The following MYO16 variants were observed in gnomAD, a reference collection of about 807,000 sequenced individuals.
The protein encoded by MYO16 is unconventional myosin-XVI.
In MYO16, 94 loss-of-function variants were observed where a neutral mutation model predicts 205.3. The ratio of observed to expected loss-of-function variants is 0.46; its 90% confidence interval spans 0.39 to 0.54. The LOEUF (loss-of-function observed/expected upper bound fraction) is 0.54. Among genes scored for constraint, MYO16 ranks in the 20% least tolerant of loss-of-function variants. The pLI is 0.00. For missense variants in MYO16, 2,315 were observed against 2,387.5 expected (o/e 0.97, Z 0.63); for synonymous variants, 988 against 954.0 (o/e 1.04, Z -0.66).
At chr13:109,176,327 A>G (rs1334596003) in intron 33 of MYO16, among the ~76,000 whole-genome samples, 1 of 151,780 alleles carries the variant, frequency 6.6e-6, no homozygotes, top group African/African-American at 2.4e-5. Context: ...AATATCTGGG[A>G]TCTGTAGGAT....
the MYO16 span, among the ~76,000 whole-genome samples, chr13:108,508,033 A>G: frequency 6.6e-6 from 1 of 151,762 alleles, no homozygotes; most frequent in Non-Finnish European, 1.5e-5. Context: ...CTTTTTGTTC[A>G]CACATAGGTT....
chr13:108,745,411 T>C (rs1476702465), intron 4 of MYO16, among the ~76,000 whole-genome samples: 3 of 152,194 alleles, frequency 2.0e-5, no homozygotes, highest in African/African-American at 7.2e-5. Context: ...TGGAGAGAGG[T>C]CCTTTTATGT....
chr13:109,143,316 C>A (rs532914507), intron 32 of MYO16, among the ~76,000 whole-genome samples: 1 of 152,182 alleles, frequency 6.6e-6, no homozygotes, highest in African/African-American at 2.4e-5. Context: ...TAACCTTCTC[C>A]CTATTTATTC....
intron 13 of MYO16, among the ~76,000 whole-genome samples, chr13:108,884,575 C>G (rs573264659): frequency 6.6e-6 from 1 of 152,062 alleles, no homozygotes; most frequent in African/African-American, 2.4e-5. Context: ...ATGAGAAAGA[C>G]GCCGAGACAG....
chr13:108,559,883 G>T, the MYO16 span, among the ~76,000 whole-genome samples: 2 of 152,052 alleles, frequency 1.3e-5, no homozygotes, highest in South Asian at 4.1e-4. Flanking sequence ...TCCATACCTA[G>T]AAATCAAAAG....
intron 15 of MYO16, among the ~76,000 whole-genome samples, chr13:108,900,128 AT>A (rs149397045): frequency 0.015 from 2,333 of 151,980 alleles, 52 homozygotes; most frequent in African/African-American, 0.053. Flanking sequence ...CATTACTAAC[AT>A]TTTTTTTCCT....
In MYO16 at chr13:108,964,776, G is replaced by A. The variant is rs201689443; in HGVS notation, c.2243G>A (p.Arg748Gln). Residue 748 changes from arginine to glutamine, a missense_variant, in exon 20 of 35, where the codon CGA (arginine) becomes CAA (glutamine). Transcript: ENST00000457511. Reference sequence around the variant, plus strand: ...ACCATTTTAGGGGATATGATAATACGACGACATACCATACAGATTGCTGAG... The same window carrying A: ...ACCATTTTAGGGGATATGATAATACAACGACATACCATACAGATTGCTGAG... ...IQYFKGDMII[R>Q]RHTIQIAEFF... is the part of the protein sequence containing the mutation. 12 of 1,613,954 alleles carry A rather than the reference G, an allele frequency of 7.4e-6. No individual in the cohort carries two copies. The highest frequency in any genetic ancestry group is 5.1e-6 in the Non-Finnish European group (6 of 1,179,964).
At chr13:108,982,441 A>G (rs1884477482) in intron 20 of MYO16, among the ~76,000 whole-genome samples, 1 of 152,202 alleles carries the variant, frequency 6.6e-6, no homozygotes, top group Admixed American at 6.6e-5. Flanking sequence ...GCTGGAAGAT[A>G]ATTAAGGGAG....
At chr13:108,813,344 A>G (rs1017498725) in intron 7 of MYO16, among the ~76,000 whole-genome samples, 4 of 152,176 alleles carry the variant, frequency 2.6e-5, no homozygotes, top group African/African-American at 7.2e-5. Context: ...AATGTAGAGT[A>G]TGCACCATTG....
intron 6 of MYO16, among the ~76,000 whole-genome samples, chr13:108,802,194 G>T (rs549713352): frequency 6.6e-6 from 1 of 152,158 alleles, no homozygotes; most frequent in Admixed American, 6.5e-5. Flanking sequence ...ACATATTTCT[G>T]CTGTCTAGTT....
chr13:109,019,231 G>C (rs1471126551), intron 22 of MYO16, among the ~76,000 whole-genome samples: 1 of 152,058 alleles, frequency 6.6e-6, no homozygotes, highest in Non-Finnish European at 1.5e-5. Context: ...GGCTGCGTTG[G>C]CCTCCCAAAG....
chr13:108,941,655 C>T (rs958836652), intron 16 of MYO16, among the ~76,000 whole-genome samples: 8 of 125,968 alleles, frequency 6.4e-5, no homozygotes, highest in South Asian at 2.4e-4. Context: ...CCAGCCTAGG[C>T]GACAGAGCAA....
chr13:109,064,939 T>C (rs1484747836), intron 27 of MYO16, among the ~76,000 whole-genome samples: 1 of 152,216 alleles, frequency 6.6e-6, no homozygotes, highest in Non-Finnish European at 1.5e-5. Flanking sequence ...AAAACAGCCA[T>C]ATATTTTTTT....
intron 6 of MYO16, among the ~76,000 whole-genome samples, chr13:108,801,239 A>C (rs1886960746): frequency 6.6e-6 from 1 of 152,254 alleles, no homozygotes; most frequent in Non-Finnish European, 1.5e-5. Flanking sequence ...TGAAATGAGG[A>C]CCACTGTTGG....
intron 12 of MYO16, 33 bp downstream of exon 12, chr13:108,866,275 T>C: frequency 7.2e-7 from 1 of 1,391,574 alleles, no homozygotes; most frequent in Non-Finnish European, 1.0e-6. Flanking sequence ...CATTGAATAA[T>C]GTAGAGTAAT....
intron 6 of MYO16, among the ~76,000 whole-genome samples, chr13:108,798,744 GCCGGA>G (rs1886876295): frequency 8.9e-6 from 1 of 111,974 alleles, no homozygotes; most frequent in African/African-American, 3.5e-5. Context: ...TGTCGCCCAG[GCCGGA>G]CTGCGGACTG....
At position 109,140,378 on chromosome 13, in the gene MYO16, C is replaced by T. The variant is rs1876987701; in HGVS notation, c.4166C>T (p.Ser1389Leu). The T allele has an allele frequency of 2.5e-6, 4 of 1,599,824 alleles. No homozygotes were observed. The highest frequency in any genetic ancestry group is 1.1e-5 in the South Asian group (1 of 90,986). The part of the protein sequence containing the change: ...TKLSGSYEEI[S>L]GSRPGDARPA... ...CTCAGCGGCTCCTACGAGGAGATAT[C>T]GGGGTCCCGGCCCGGGGACGCGAGG... Residue 1389 changes from serine to leucine, a missense_variant, in exon 32 of 35, where the codon TCG (serine) becomes TTG (leucine). Physicochemically the swap from Ser to Leu is moderately radical, Grantham distance 145. Transcript: ENST00000457511. This position sits in a 1 kb window ranked among gnomAD's most constrained non-coding sequence, Gnocchi z 8.0.
chr13:109,197,320 G>A (rs1467860810), intron 34 of MYO16, among the ~76,000 whole-genome samples: 1 of 152,178 alleles, frequency 6.6e-6, no homozygotes, highest in Non-Finnish European at 1.5e-5. Context: ...TGCGTTCAGG[G>A]GAAGCCTGGC....
At chr13:108,751,543 A>G (rs1047203702) in intron 4 of MYO16, among the ~76,000 whole-genome samples, 2 of 152,062 alleles carry the variant, frequency 1.3e-5, no homozygotes, top group Non-Finnish European at 2.9e-5. Context: ...TTTAGCATAA[A>G]CCCCCACTCC....
Sources: gnomAD v4.1 joint callset for allele counts (sites outside exome capture counted in the v4.1 genomes callset) on GRCh38, gnomAD v4.1.1 for gene constraint, Gnocchi (gnomAD v3.1) non-coding constraint, MANE v1.5 for transcripts, NCBI Gene and HGNC (gene_info 2026-07-23, HGNC 2026-07-21) for gene names.